The following VEPH1 variants were observed in gnomAD, a reference collection of about 807,000 sequenced individuals.
VEPH1 encodes the protein ventricular zone expressed PH domain containing 1.
Under a neutral mutation model 85.2 loss-of-function variants are expected in VEPH1, and 80 were observed. The ratio of observed to expected loss-of-function variants is 0.94; its 90% CI spans 0.78 to 1.13. The LOEUF is 1.13. Ranked by LOEUF, VEPH1 falls within the 50% of genes most tolerant of loss-of-function variation. The pLI, the probability that VEPH1 is intolerant of heterozygous loss-of-function variation, is 0.00. For missense variants in VEPH1, 955 were observed against 980.5 expected (o/e 0.97, Z 0.35); for synonymous variants, 297 against 348.0 (o/e 0.85, Z 1.63).
At chr3:157,456,260 G>C (rs530050905) in intron 4 of VEPH1, among the ~76,000 whole-genome samples, 2 of 152,140 alleles carry the variant, frequency 1.3e-5, no homozygotes, top group South Asian at 2.1e-4. Flanking sequence ...TTGGATATTA[G>C]ACCTTTGTCA....
chr3:157,472,596 T>G (rs1437409021), intron 2 of VEPH1, among the ~76,000 whole-genome samples: 1 of 152,186 alleles, frequency 6.6e-6, no homozygotes, highest in Non-Finnish European at 1.5e-5. Flanking sequence ...GGGAGTTTGT[T>G]ATACAGATTA....
intron 12 of VEPH1, among the ~76,000 whole-genome samples, chr3:157,274,794 C>T (rs7610214): frequency 0.22 from 33,218 of 152,128 alleles, 4,445 homozygotes; most frequent in Admixed American, 0.41. Flanking sequence ...GCCACTGCAC[C>T]TGGCCCTCTT....
intron 9 of VEPH1, among the ~76,000 whole-genome samples, chr3:157,360,574 T>C (rs1318928130): frequency 2.6e-5 from 4 of 152,086 alleles, no homozygotes; most frequent in Non-Finnish European, 5.9e-5. Flanking sequence ...CCATTGTAAG[T>C]TGAAAATCTT....
chr3:157,278,955 G>A (rs1453669867), intron 12 of VEPH1, among the ~76,000 whole-genome samples: 3 of 152,130 alleles, frequency 2.0e-5, no homozygotes, highest in Admixed American at 6.5e-5. Flanking sequence ...GTCTGAGGTG[G>A]GATGATTGCT....
At chr3:157,414,752 AT>A (rs1165131967) in intron 5 of VEPH1, among the ~76,000 whole-genome samples, 3 of 152,200 alleles carry the variant, frequency 2.0e-5, no homozygotes, top group African/African-American at 7.2e-5. Context: ...ATGTTAATAC[AT>A]CACATATTGA....
chr3:157,290,029 TACACAAACACACACACACACAC>T (rs1269561722), intron 11 of VEPH1, among the ~76,000 whole-genome samples: 1 of 114,974 alleles, frequency 8.7e-6, no homozygotes, highest in African/African-American at 3.8e-5. Flanking sequence ...GTTGTTATTA[TACACAAACACACACACACACAC>T]ACACACACAC....
chr3:157,266,366 T>G (rs1228398833), intron 12 of VEPH1, among the ~76,000 whole-genome samples: 1 of 152,088 alleles, frequency 6.6e-6, no homozygotes, highest in Non-Finnish European at 1.5e-5. Context: ...ACATTTCAAC[T>G]TAAATGTTGC....
intron 6 of VEPH1, among the ~76,000 whole-genome samples, chr3:157,408,564 A>G (rs970383193): frequency 1.3e-5 from 2 of 152,174 alleles, no homozygotes; most frequent in Non-Finnish European, 2.9e-5. Context: ...GCTGAGAGGT[A>G]TAGGGAGGAG....
intron 2 of VEPH1, among the ~76,000 whole-genome samples, chr3:157,479,366 A>C (rs1349054141): frequency 6.6e-6 from 1 of 152,206 alleles, no homozygotes; most frequent in Non-Finnish European, 1.5e-5. Flanking sequence ...AGGACAACGA[A>C]AAAGCCACAA....
intron 6 of VEPH1, among the ~76,000 whole-genome samples, chr3:157,388,880 A>G (rs1240520227): frequency 6.6e-6 from 1 of 152,152 alleles, no homozygotes; most frequent in Non-Finnish European, 1.5e-5. Flanking sequence ...AAGTGATTTG[A>G]GTATCCTTGG....
intron 12 of VEPH1, among the ~76,000 whole-genome samples, chr3:157,278,315 T>G (rs1305053168): frequency 6.6e-6 from 1 of 152,180 alleles, no homozygotes; most frequent in African/African-American, 2.4e-5. Context: ...AGGGAATTCT[T>G]GGTAGAAGAA....
intron 4 of VEPH1, among the ~76,000 whole-genome samples, chr3:157,447,141 C>A (rs1456197226): frequency 5.9e-5 from 9 of 152,282 alleles, no homozygotes; most frequent in African/African-American, 2.2e-4. Context: ...TGTAAGGATT[C>A]TTTTCCATTG....
intron 6 of VEPH1, among the ~76,000 whole-genome samples, chr3:157,399,569 C>T (rs1730662805): frequency 6.6e-6 from 1 of 151,994 alleles, no homozygotes; most frequent in Non-Finnish European, 1.5e-5. Flanking sequence ...GTACGGAAGC[C>T]AGTAAAGGTC....
At position 157,452,908 on chromosome 3, in the gene VEPH1, C is replaced by T. The variant is rs76942369; in HGVS notation, c.529+7273G>A. ...GTCCTGGGTTTCTTTTGGGGATCTA[C>T]TCCTCCTCTACTCCCAATCTATGTG... On this transcript the variant is annotated intron_variant, in intron 4 of 13. Coordinates refer to ENST00000362010, the MANE Select transcript of VEPH1 (RefSeq NM_001167912.2). Among the ~76,000 whole-genome samples the T allele has an allele frequency of 5.3e-3, 814 of 152,270 alleles. 7 individuals are homozygous for T. Among genetic ancestry groups the T allele is most frequent in the African/African-American group, 0.019 (776 of 41,554 alleles).
At chr3:157,445,326 A>G (rs918446326) in intron 4 of VEPH1, among the ~76,000 whole-genome samples, 3 of 152,148 alleles carry the variant, frequency 2.0e-5, no homozygotes, top group Non-Finnish European at 4.4e-5. Context: ...TTTTTATTTT[A>G]ATTTAAAAAA....
At chr3:157,267,093 CTTTTTTTTCTTTTTTTT>C (rs1713761493) in intron 12 of VEPH1, among the ~76,000 whole-genome samples, 1 of 108,226 alleles carries the variant, frequency 9.2e-6, no homozygotes, top group African/African-American at 3.5e-5. Flanking sequence ...TTTTCTTTTT[CTTTTTTTTCTTTTTTTT>C]TTTTTTTTGA....
intron 9 of VEPH1, among the ~76,000 whole-genome samples, chr3:157,322,008 A>G (rs1721407344): frequency 6.6e-6 from 1 of 152,130 alleles, no homozygotes; most frequent in Non-Finnish European, 1.5e-5. Context: ...ATTCGCTGGC[A>G]TTAAATACAT....
chr3:157,326,440 C>T (rs2108577862), intron 9 of VEPH1, among the ~76,000 whole-genome samples: 1 of 152,190 alleles, frequency 6.6e-6, no homozygotes, highest in East Asian at 1.9e-4. Context: ...TTGGGTTATG[C>T]AGCAAGATAA....
intron 12 of VEPH1, among the ~76,000 whole-genome samples, chr3:157,276,559 G>A (rs1004090627): frequency 1.3e-5 from 2 of 152,162 alleles, no homozygotes; most frequent in African/African-American, 4.8e-5. Context: ...GAGTAAAACT[G>A]CAAAACCAAT....
Sources: gnomAD v4.1 joint callset for allele counts (sites outside exome capture counted in the v4.1 genomes callset) on GRCh38, gnomAD v4.1.1 for gene constraint, MANE v1.5 for transcripts, NCBI Gene and HGNC (gene_info 2026-07-23, HGNC 2026-07-21) for gene names.